Variants in PPP1R9A observed in about 807,000 individuals in gnomAD.
The protein encoded by PPP1R9A is protein phosphatase 1 regulatory subunit 9A.
PPP1R9A carries 59 observed loss-of-function variants against 141.9 expected under a neutral mutation model. The observed-to-expected ratio is 0.42, with a 90% CI of 0.34 to 0.52. The LOEUF (loss-of-function observed/expected upper bound fraction) is 0.52. Among genes scored for constraint, PPP1R9A ranks in the 20% least tolerant of loss-of-function variants. The pLI, the probability that PPP1R9A is intolerant of heterozygous loss-of-function variation, is 0.10. For missense variants in PPP1R9A, 1,444 were observed against 1,611.9 expected (o/e 0.90, Z 1.78); for synonymous variants, 500 against 569.7 (o/e 0.88, Z 1.74).
At chr7:95,014,401 T>A (rs1201137223) in intron 2 of PPP1R9A, among the ~76,000 whole-genome samples, 1 of 152,076 alleles carries the variant, frequency 6.6e-6, no homozygotes, top group African/African-American at 2.4e-5. Flanking sequence ...TCTTTCCTCA[T>A]GATTAGCTTT....
At chr7:95,191,387 G>A (rs191390371) in intron 5 of PPP1R9A, among the ~76,000 whole-genome samples, 76 of 152,232 alleles carry the variant, frequency 5.0e-4, no homozygotes, top group Non-Finnish European at 9.1e-4. Context: ...ACATAATTAT[G>A]TTTTGATTTA....
At chr7:95,131,145 A>G (rs1348671627) in intron 4 of PPP1R9A, among the ~76,000 whole-genome samples, 1 of 152,166 alleles carries the variant, frequency 6.6e-6, no homozygotes, top group Non-Finnish European at 1.5e-5. Context: ...AACTCCCACA[A>G]TTCCCATGTC....
At chr7:95,275,709 A>C (rs999731718) in intron 16 of PPP1R9A, among the ~76,000 whole-genome samples, 2 of 152,328 alleles carry the variant, frequency 1.3e-5, no homozygotes, top group South Asian at 4.1e-4. Context: ...CCACTTCTCC[A>C]CTTCATGGGT....
At chr7:95,043,300 CTG>C (rs1349728453) in intron 2 of PPP1R9A, among the ~76,000 whole-genome samples, 3 of 152,134 alleles carry the variant, frequency 2.0e-5, no homozygotes, top group Non-Finnish European at 4.4e-5. Context: ...CCTTGAATAA[CTG>C]TGTGAGAAAA....
chr7:95,182,521 T>C (rs1834009615), intron 5 of PPP1R9A, among the ~76,000 whole-genome samples: 1 of 152,228 alleles, frequency 6.6e-6, no homozygotes, highest in Non-Finnish European at 1.5e-5. Flanking sequence ...TTTATTTATA[T>C]CATTTCATTG....
intron 7 of PPP1R9A, among the ~76,000 whole-genome samples, chr7:95,206,622 A>G (rs1455022216): frequency 3.3e-5 from 5 of 152,204 alleles, no homozygotes; most frequent in African/African-American, 1.2e-4. Context: ...ACAACTATTC[A>G]GTCTGCTTTT....
rs1457749628 is a variant in PPP1R9A at position 95,269,479 on chromosome 7, C to A, written c.3096C>A (p.Thr1032=). The change falls in exon 14 of 20, where the codon ACC becomes ACA. Residue 1032 remains threonine (T), a synonymous_variant. Coordinates refer to ENST00000433360, the MANE Select transcript of PPP1R9A (RefSeq NM_001166160.2). Reference sequence around the variant, plus strand: ...AAGAATCTCCTTGCCATCACCAAACCACCAACAAGAAAATATTACGAGAAA... The same window carrying A: ...AAGAATCTCCTTGCCATCACCAAACAACCAACAAGAAAATATTACGAGAAA... ...DVEESPCHHQ[T]TNKKILREKD... 2 of 1,582,510 alleles carry A rather than the reference C, an allele frequency of 1.3e-6. No individual in the cohort carries two copies. Among genetic ancestry groups the A allele is most frequent in the Non-Finnish European group, 1.7e-6 (2 of 1,165,754 alleles).
chr7:94,942,441 GT>G (rs933110970), intron 2 of PPP1R9A, among the ~76,000 whole-genome samples: 1 of 152,156 alleles, frequency 6.6e-6, no homozygotes, highest in African/African-American at 2.4e-5. Flanking sequence ...CTAGACCTCT[GT>G]TTGCTTTTGT....
intron 2 of PPP1R9A, among the ~76,000 whole-genome samples, chr7:94,948,861 T>C (rs1300454927): frequency 6.6e-6 from 1 of 152,088 alleles, no homozygotes; most frequent in Non-Finnish European, 1.5e-5. Context: ...AGAGAAAGGC[T>C]AAGTACTCCA....
At chr7:95,225,859 A>G (rs1238494596) in intron 7 of PPP1R9A, 102 bp from the exon 8 acceptor site, 64 of 1,250,156 alleles carry the variant, frequency 5.1e-5, no homozygotes, top group Non-Finnish European at 6.9e-5. Context: ...CACTTTTACC[A>G]TTTGGGTACA....
chr7:95,071,336 C>G (rs938287812), intron 2 of PPP1R9A, among the ~76,000 whole-genome samples: 1 of 151,938 alleles, frequency 6.6e-6, no homozygotes, highest in Non-Finnish European at 1.5e-5. Context: ...AACTAGGAAA[C>G]AAGCTCACTA....
intron 16 of PPP1R9A, 81 bp from the exon 17 acceptor site, chr7:95,283,937 C>A: frequency 8.2e-7 from 1 of 1,221,592 alleles, no homozygotes; most frequent in Non-Finnish European, 1.1e-6. Context: ...TTACTTCAAA[C>A]TATATTCAGA....
chr7:95,216,428 A>C (rs1793434626), intron 7 of PPP1R9A, among the ~76,000 whole-genome samples: 1 of 152,198 alleles, frequency 6.6e-6, no homozygotes, highest in Admixed American at 6.5e-5. Flanking sequence ...CTTTTGGCTT[A>C]GGATTGTCTT....
At chr7:94,912,350 G>A (rs1791551529) in intron 2 of PPP1R9A, among the ~76,000 whole-genome samples, 1 of 152,286 alleles carries the variant, frequency 6.6e-6, no homozygotes, top group South Asian at 2.1e-4. Flanking sequence ...GGAGGTGGTT[G>A]GTTGAGTACC....
At chr7:95,096,026 C>T (rs1375761661) in intron 2 of PPP1R9A, among the ~76,000 whole-genome samples, 1 of 151,726 alleles carries the variant, frequency 6.6e-6, no homozygotes, top group Non-Finnish European at 1.5e-5. Context: ...TTTTTTAAAC[C>T]TCTATCAGCA....
At chr7:95,131,673 G>C (rs948553110) in intron 4 of PPP1R9A, among the ~76,000 whole-genome samples, 7 of 150,944 alleles carry the variant, frequency 4.6e-5, no homozygotes, top group African/African-American at 1.7e-4. Flanking sequence ...GGAGGTAGGT[G>C]CTGGAATCTA....
At chr7:95,050,649 C>T (rs1810663337) in intron 2 of PPP1R9A, among the ~76,000 whole-genome samples, 2 of 152,188 alleles carry the variant, frequency 1.3e-5, no homozygotes, top group Admixed American at 1.3e-4. Flanking sequence ...TCGCTTGAAC[C>T]TGGGAGGTGG....
In PPP1R9A at chr7:95,134,019, T is replaced by C. The variant is rs576260298; in HGVS notation, c.1649+13187T>C. 6.9e-4 allele frequency among the ~76,000 whole-genome samples: 105 copies of C among 152,212 alleles called. No individual in the cohort carries two copies. The South Asian group carries it at 0.021, about 31-fold the overall frequency. On this transcript the variant is annotated intron_variant, in intron 4 of 19. Transcript: ENST00000433360. ...AAATTTTAAATGCTTTAAAAACATA[T>C]ATGTTTATTGCAGCACTATTTACAA...
At chr7:95,257,632 C>A (rs1389799785) in intron 12 of PPP1R9A, among the ~76,000 whole-genome samples, 1 of 151,948 alleles carries the variant, frequency 6.6e-6, no homozygotes, top group Non-Finnish European at 1.5e-5. Context: ...CGTCATTTAA[C>A]ATTAGGTATA....
Sources: gnomAD v4.1 joint callset for allele counts (sites outside exome capture counted in the v4.1 genomes callset) on GRCh38, gnomAD v4.1.1 for gene constraint, MANE v1.5 for transcripts, NCBI Gene and HGNC (gene_info 2026-07-23, HGNC 2026-07-21) for gene names.